The following CDH8 variants were observed in gnomAD, a reference collection of about 807,000 sequenced individuals.
CDH8 encodes the protein cadherin-8.
A neutral mutation model predicts 68.1 loss-of-function variants in CDH8; 17 were observed. That is an observed-to-expected ratio of 0.25 (90% CI 0.17 to 0.37). The LOEUF (loss-of-function observed/expected upper bound fraction) is 0.37, where lower values mean the gene tolerates loss of function less well. Ranked by LOEUF, CDH8 falls within the 10% of genes least tolerant of loss-of-function variation. CDH8 has a pLI of 1.00. For missense variants in CDH8, 763 were observed against 999.3 expected (o/e 0.76, Z 3.19); for synonymous variants, 372 against 365.1 (o/e 1.02, Z -0.21).
intron 2 of CDH8, among the ~76,000 whole-genome samples, chr16:61,912,353 C>T (rs539076786): frequency 3.4e-4 from 52 of 152,200 alleles, no homozygotes; most frequent in African/African-American, 1.2e-3. Context: ...CTTACTCCTA[C>T]TTCTTGAGCA....
intron 10 of CDH8, chr16:61,693,772 T>C (rs1159320205): frequency 6.6e-6 from 1 of 152,168 alleles, no homozygotes; most frequent in Non-Finnish European, 1.5e-5. Flanking sequence ...CTTCATTTTA[T>C]AAATGTTTCT....
intron 4 of CDH8, among the ~76,000 whole-genome samples, chr16:61,826,631 T>C (rs2143002073): frequency 6.6e-6 from 1 of 150,806 alleles, no homozygotes; most frequent in East Asian, 2.0e-4. Flanking sequence ...ACTTCTGAAG[T>C]TGTAATTCTT....
intron 7 of CDH8, among the ~76,000 whole-genome samples, chr16:61,799,104 C>G (rs1961561285): frequency 6.6e-6 from 1 of 152,088 alleles, no homozygotes; most frequent in Non-Finnish European, 1.5e-5. Context: ...ACACAAGAAG[C>G]CCAATCGATT....
intron 2 of CDH8, among the ~76,000 whole-genome samples, chr16:61,907,763 G>A (rs1224840593): frequency 6.6e-6 from 1 of 152,022 alleles, no homozygotes; most frequent in East Asian, 1.9e-4. Flanking sequence ...AGTTAACAGG[G>A]GCCAGACACG....
intron 6 of CDH8, 185 bp from the exon 7 acceptor site, chr16:61,817,917 T>G: frequency 1.9e-6 from 1 of 521,688 alleles, no homozygotes; most frequent in Non-Finnish European, 3.3e-6. Context: ...TGTCTGTTTA[T>G]TATATAAGCT....
At chr16:61,948,500 G>A (rs1425259963) in intron 2 of CDH8, among the ~76,000 whole-genome samples, 1 of 152,168 alleles carries the variant, frequency 6.6e-6, no homozygotes, top group Non-Finnish European at 1.5e-5. Context: ...CATAGGCAAT[G>A]TGCATCTCTG....
At chr16:61,827,609 T>C in intron 4 of CDH8, among the ~76,000 whole-genome samples, 1 of 151,906 alleles carries the variant, frequency 6.6e-6, no homozygotes, top group East Asian at 1.9e-4. Flanking sequence ...TTTGGGTTAG[T>C]GTCTACAAGT....
chr16:61,874,200 T>A (rs1963420560), intron 3 of CDH8, among the ~76,000 whole-genome samples: 1 of 152,062 alleles, frequency 6.6e-6, no homozygotes, highest in African/African-American at 2.4e-5. Context: ...TTTTTTTAAA[T>A]AAAAATAGAA....
chr16:61,685,408 A>C (rs1022068018), intron 10 of CDH8, among the ~76,000 whole-genome samples: 2 of 151,984 alleles, frequency 1.3e-5, no homozygotes, highest in African/African-American at 4.8e-5. Context: ...AACCATTCAG[A>C]TATCTGGAAG....
chr16:61,914,380 T>C (rs923595616), intron 2 of CDH8, among the ~76,000 whole-genome samples: 1 of 152,186 alleles, frequency 6.6e-6, no homozygotes, highest in Non-Finnish European at 1.5e-5. Context: ...ATAGATATGA[T>C]TCTAGGTGTG....
intron 2 of CDH8, among the ~76,000 whole-genome samples, chr16:61,989,056 A>G (rs553941349): frequency 6.6e-6 from 1 of 152,342 alleles, no homozygotes; most frequent in South Asian, 2.1e-4. Flanking sequence ...TTGAGCTCAC[A>G]TACAGAAAGT....
chr16:61,948,592 G>A (rs941338747), intron 2 of CDH8, among the ~76,000 whole-genome samples: 5 of 152,298 alleles, frequency 3.3e-5, no homozygotes, highest in Middle Eastern at 3.4e-3. Context: ...ACAGAGAAGA[G>A]CAGACAGTTG....
At chr16:61,667,620 AGC>A (rs2142770780) in intron 10 of CDH8, 1 of 152,092 alleles carries the variant, frequency 6.6e-6, no homozygotes, top group Admixed American at 6.6e-5. Context: ...TTTTGAGGAG[AGC>A]ATGGCCCTGC....
chr16:61,776,160 T>C (rs1013711579), intron 8 of CDH8, among the ~76,000 whole-genome samples: 1 of 152,036 alleles, frequency 6.6e-6, no homozygotes, highest in Non-Finnish European at 1.5e-5. Flanking sequence ...ACAAAGAATA[T>C]TATCAAGTCC....
At chr16:62,007,759 C>T (rs907076071) in intron 2 of CDH8, among the ~76,000 whole-genome samples, 1 of 151,954 alleles carries the variant, frequency 6.6e-6, no homozygotes, top group African/African-American at 2.4e-5. Flanking sequence ...GCTTATCCTC[C>T]GCCTTCCCTC....
intron 8 of CDH8, among the ~76,000 whole-genome samples, chr16:61,748,067 G>C (rs1196019475): frequency 6.6e-6 from 1 of 152,018 alleles, no homozygotes; most frequent in Non-Finnish European, 1.5e-5. Flanking sequence ...CCTCAGCACT[G>C]TTCTAGGTGT....
At chr16:61,976,128 G>A (rs896035264) in intron 2 of CDH8, among the ~76,000 whole-genome samples, 2 of 152,098 alleles carry the variant, frequency 1.3e-5, no homozygotes, top group African/African-American at 4.8e-5. Context: ...CTTAAGACTT[G>A]ACTGAAAGTT....
chr16:61,994,053 G>A (rs146274301), intron 2 of CDH8, among the ~76,000 whole-genome samples: 3 of 152,150 alleles, frequency 2.0e-5, no homozygotes, highest in African/African-American at 4.8e-5. Flanking sequence ...AGAATACCAC[G>A]CAAAATTTCT....
At chr16:61,872,085 G>A (rs927028943) in intron 3 of CDH8, among the ~76,000 whole-genome samples, 1 of 152,134 alleles carries the variant, frequency 6.6e-6, no homozygotes, top group African/African-American at 2.4e-5. Flanking sequence ...AATCTCAGAG[G>A]TTCAGGACAG....
Sources: allele counts gnomAD v4.1 joint callset (sites outside exome capture counted in the v4.1 genomes callset), GRCh38; gene constraint gnomAD v4.1.1; transcripts MANE v1.5; gene names NCBI Gene and HGNC (gene_info 2026-07-23, HGNC 2026-07-21).